SLC28A1: variants seen among roughly 807,000 people sequenced by gnomAD.
SLC28A1 encodes solute carrier family 28 member 1.
A neutral mutation model predicts 74.8 loss-of-function variants in SLC28A1; 64 were observed. That is an observed-to-expected ratio of 0.86 (90% confidence interval 0.70 to 1.05). The LOEUF is 1.05. SLC28A1 is among the 50% of genes least tolerant of loss of function. The pLI, the probability that SLC28A1 is intolerant of heterozygous loss-of-function variation, is 0.00. For synonymous variants in SLC28A1, 359 were observed against 335.0 expected (o/e 1.07, Z -0.78); for missense variants, 828 against 822.8 (o/e 1.01, Z -0.08).
intron 15 of SLC28A1, among the ~76,000 whole-genome samples, chr15:84,942,464 A>G (rs528620006): frequency 1.3e-5 from 2 of 152,314 alleles, no homozygotes; most frequent in African/African-American, 4.8e-5. Context: ...CTTTCTGGGA[A>G]ATAGGACAGT....
At chr15:84,918,946 C>T (rs965981842) in intron 10 of SLC28A1, among the ~76,000 whole-genome samples, 1 of 148,842 alleles carries the variant, frequency 6.7e-6, no homozygotes, top group African/African-American at 2.5e-5. Flanking sequence ...GAATCCTTTG[C>T]TCCTGAGGCC....
chr15:84,888,657 C>T, intron 3 of SLC28A1, 115 bp from the exon 4 acceptor site: 1 of 724,054 alleles, frequency 1.4e-6, no homozygotes, highest in Admixed American at 2.0e-5. Context: ...CCTCCCTGTG[C>T]CCCAGCCCAG....
At chr15:84,910,261 C>T (rs575385987) in intron 9 of SLC28A1, among the ~76,000 whole-genome samples, 10 of 152,334 alleles carry the variant, frequency 6.6e-5, no homozygotes, top group South Asian at 4.1e-4. Context: ...ATGTCAGCCC[C>T]GCAAAGGCCC....
At position 84,904,181 on chromosome 15, in the gene SLC28A1, C is replaced by T. The variant is rs567846433; in HGVS notation, c.546C>T (p.Phe182=). The T allele has an allele frequency of 4.8e-5, 77 of 1,614,176 alleles. 1 individual carries two copies. Among genetic ancestry groups the T allele is most frequent in the Non-Finnish European group, 5.8e-5 (68 of 1,180,032 alleles). The change falls in exon 7 of 19, where the codon TTC becomes TTT. Residue 182 remains phenylalanine, a synonymous_variant. Coordinates refer to ENST00000394573, the MANE Select transcript of SLC28A1 (RefSeq NM_004213.5). ...AGCGGCCTGAGCAACTGGTGTCCTT[C>T]GCAGGAATCTGCGTGTTCGTCGCTC... ...TSQRPEQLVS[F]AGICVFVALL... is the part of the protein sequence containing the mutation.
intron 1 of SLC28A1, among the ~76,000 whole-genome samples, chr15:84,885,070 T>C (rs959732538): frequency 1.5e-4 from 23 of 152,148 alleles, no homozygotes; most frequent in Non-Finnish European, 2.4e-4. Context: ...GCAATTCTCC[T>C]GCCTCAGCCT....
At position 84,900,422 on chromosome 15, in the gene SLC28A1, A is replaced by AG. The variant is rs200974799; in HGVS notation, c.462-3675_462-3674insG. On this transcript the variant is annotated intron_variant, in intron 6 of 18. Coordinates refer to ENST00000394573, the MANE Select transcript of SLC28A1 (RefSeq NM_004213.5). ...GTCTCAAAAAAAAAAAAAAAAAAAA[A>AG]AAGAAGAAGAAGAAAGAAAGAAATG... Among the ~76,000 whole-genome samples, 12 of 122,608 alleles carry AG rather than the reference A, an allele frequency of 9.8e-5. 1 individual carries two copies. The highest frequency in any genetic ancestry group is 3.2e-4 in the African/African-American group (12 of 37,422). 80.4% of individuals were successfully genotyped at this position (122,608 alleles called of 152,430 possible).
At chr15:84,965,903 AG>A in the SLC28A1 span, among the ~76,000 whole-genome samples, 10 of 117,762 alleles carry the variant, frequency 8.5e-5, no homozygotes, top group Non-Finnish European at 1.1e-4. Flanking sequence ...GGAGGCGGGG[AG>A]GGGGGGGAAA....
At chr15:84,908,482 C>T (rs1874825292) in intron 8 of SLC28A1, among the ~76,000 whole-genome samples, 1 of 152,152 alleles carries the variant, frequency 6.6e-6, no homozygotes, top group South Asian at 2.1e-4. Flanking sequence ...CTGCACCCAG[C>T]CTGCAGAGCA....
intron 9 of SLC28A1, among the ~76,000 whole-genome samples, chr15:84,914,884 A>T (rs1274464288): frequency 1.3e-5 from 2 of 152,116 alleles, no homozygotes; most frequent in East Asian, 3.9e-4. Flanking sequence ...CCCTCCCTAG[A>T]CAGGCCCCAC....
chr15:84,912,804 GCGCACACACACACACACA>G (rs1968484737), intron 9 of SLC28A1, among the ~76,000 whole-genome samples: 1 of 58,656 alleles, frequency 1.7e-5, no homozygotes, highest in Non-Finnish European at 4.2e-5. Flanking sequence ...TTTTGCGCGC[GCGCACACACACACACACA>G]CACACACACA....
chr15:84,933,759 A>C (rs1971574287), intron 13 of SLC28A1, among the ~76,000 whole-genome samples: 1 of 152,102 alleles, frequency 6.6e-6, no homozygotes, highest in South Asian at 2.1e-4. Context: ...CAAATCACTT[A>C]AGGTCAGGAG....
chr15:84,890,518 A>T lies in SLC28A1; in HGVS notation c.261A>T (p.Thr87=), dbSNP rs1379797406. 1.2e-6 allele frequency: 2 copies of T among 1,610,950 alleles called. No individual in the cohort carries two copies. Among genetic ancestry groups the T allele is most frequent in the Non-Finnish European group, 1.7e-6 (2 of 1,179,396 alleles). ...TGCAGCTGTTTCGATGGATCGGCAC[A>T]GGCCTGCTCTGCACTGGTGAGCCTG... ...EHMQLFRWIG[T]GLLCTGLSAF... Residue 87 remains threonine (T), a synonymous_variant, in exon 5 of 19, where the codon ACA becomes ACT. Coordinates refer to ENST00000394573, the MANE Select transcript of SLC28A1 (RefSeq NM_004213.5).
At chr15:84,960,785 T>G in the SLC28A1 span, among the ~76,000 whole-genome samples, 13 of 152,234 alleles carry the variant, frequency 8.5e-5, no homozygotes, top group Non-Finnish European at 1.5e-4. Flanking sequence ...TCCAAAACTG[T>G]GTTAACATTC....
intron 12 of SLC28A1, among the ~76,000 whole-genome samples, chr15:84,929,202 A>C (rs1370989912): frequency 2.0e-5 from 3 of 152,192 alleles, no homozygotes; most frequent in Non-Finnish European, 4.4e-5. Context: ...ATATTGAGTT[A>C]AATAAGACAT....
At position 84,910,993 on chromosome 15, in the gene SLC28A1, C is replaced by T. The variant is rs368835963; in HGVS notation, c.795+2198C>T. Among the ~76,000 whole-genome samples the T allele has an allele frequency of 2.4e-4, 36 of 152,288 alleles. No homozygotes were observed. The East Asian group carries it at 4.6e-3, about 20-fold the overall frequency. ...AAGCATGGAGGTGAGAATGTGCTGG[C>T]GTGTCCACAGTGCAGGGCAGAGTTC... On this transcript the variant is annotated intron_variant, in intron 9 of 18. Coordinates refer to ENST00000394573, the MANE Select transcript of SLC28A1 (RefSeq NM_004213.5).
At chr15:84,922,029 A>G (rs1969885665) in intron 11 of SLC28A1, among the ~76,000 whole-genome samples, 1 of 152,166 alleles carries the variant, frequency 6.6e-6, no homozygotes, top group African/African-American at 2.4e-5. Flanking sequence ...GCTGACCTAG[A>G]TGCCGGGGTC....
intron 12 of SLC28A1, among the ~76,000 whole-genome samples, chr15:84,925,281 G>T (rs1970378602): frequency 6.6e-6 from 1 of 151,854 alleles, no homozygotes; most frequent in Admixed American, 6.6e-5. Flanking sequence ...GACCAGCATT[G>T]TCAGCATCAC....
At position 84,907,088 on chromosome 15, in the gene SLC28A1, C is replaced by A. The variant is rs1052619771; in HGVS notation, c.717+1436C>A. On this transcript the variant is annotated intron_variant, in intron 8 of 18. Transcript: ENST00000394573. ...GTCACTTTCCTTATAAAGGTCACAG[C>A]TGAGGGGACTGCCTGTCATGCTGCA... Among the ~76,000 whole-genome samples, 11 of 152,276 alleles carry A rather than the reference C, an allele frequency of 7.2e-5. No individual in the cohort carries two copies. The South Asian group carries it at 2.3e-3, about 32-fold the overall frequency.
intron 13 of SLC28A1, 96 bp from the exon 14 acceptor site, chr15:84,934,930 A>G (rs1351765381): frequency 1.9e-6 from 2 of 1,041,814 alleles, no homozygotes; most frequent in Non-Finnish European, 3.0e-6. Context: ...CCGCTCTGAA[A>G]TGCTCTTCCA....
Sources: gnomAD v4.1 joint callset for allele counts (sites outside exome capture counted in the v4.1 genomes callset) on GRCh38, gnomAD v4.1.1 for gene constraint, MANE v1.5 for transcripts, NCBI Gene and HGNC (gene_info 2026-07-23, HGNC 2026-07-21) for gene names.